The following CHD6 variants were observed in gnomAD, a reference collection of about 807,000 sequenced individuals.
CHD6 encodes chromodomain helicase DNA binding protein 6.
A neutral mutation model predicts 276.9 loss-of-function variants in CHD6; 50 were observed. That is an observed-to-expected ratio of 0.18 (90% confidence interval 0.14 to 0.23). The LOEUF (loss-of-function observed/expected upper bound fraction) is 0.23, where lower values mean the gene tolerates loss of function less well. Among genes scored for constraint, CHD6 ranks in the 10% least tolerant of loss-of-function variants. The probability of loss-of-function intolerance (pLI) is 1.00; values close to 1 mark genes in which losing one functional copy is unlikely to be tolerated. For missense variants in CHD6, 2,564 were observed against 3,365.8 expected (o/e 0.76, Z 5.89); for synonymous variants, 1,173 against 1,229.3 (o/e 0.95, Z 0.96).
At chr20:41,428,248 C>T (rs181292330) in intron 27 of CHD6, among the ~76,000 whole-genome samples, 74 of 152,282 alleles carry the variant, frequency 4.9e-4, no homozygotes, top group Middle Eastern at 3.4e-3. Context: ...CTAGAAATGA[C>T]AGAATGAAGA....
At chr20:41,481,049 CCA>C (rs2043283448) in intron 16 of CHD6, among the ~76,000 whole-genome samples, 1 of 151,642 alleles carries the variant, frequency 6.6e-6, no homozygotes, top group Non-Finnish European at 1.5e-5. Context: ...GAGTTTGAGG[CCA>C]CAGTGACCGA....
In CHD6 at chr20:41,512,881, C is replaced by T; in HGVS notation, c.817G>A (p.Ala273Thr). 1 of 1,614,068 alleles carries T rather than the reference C, an allele frequency of 6.2e-7. No individual in the cohort carries two copies. The highest frequency in any genetic ancestry group is 8.5e-7 in the Non-Finnish European group (1 of 1,179,948). Reference sequence around the variant, plus strand: ...CAGGCCAGTGTAGAGGCTGAGAGTGCAGATGTTCGACCAGCTCCAAGAACA... The same window carrying T: ...CAGGCCAGTGTAGAGGCTGAGAGTGTAGATGTTCGACCAGCTCCAAGAACA... ...IAVLGAGRTSALSASTLAWQA... is the reference protein window; with the variant it reads ...IAVLGAGRTSTLSASTLAWQA... Residue 273 changes from alanine to threonine, a missense_variant, in exon 5 of 37, where the codon GCA (alanine) becomes ACA (threonine). Ala to Thr is a moderately conservative substitution (Grantham distance 58). Around this residue, in one of 7 missense-constraint regions of CHD6, gnomAD observed 457 missense variants for 889.0 expected, o/e 0.51. Transcript: ENST00000373233.
intron 5 of CHD6, among the ~76,000 whole-genome samples, chr20:41,511,734 G>A (rs932231394): frequency 3.9e-5 from 6 of 152,114 alleles, no homozygotes; most frequent in East Asian, 1.9e-4. Flanking sequence ...CACAGCCTGC[G>A]GTGCCATTCA....
chr20:41,541,527 G>C (rs1180311290), intron 2 of CHD6, among the ~76,000 whole-genome samples: 4 of 152,190 alleles, frequency 2.6e-5, no homozygotes, highest in African/African-American at 9.7e-5. Context: ...AGAATAAAGA[G>C]AGAAGAGAAA....
intron 2 of CHD6, among the ~76,000 whole-genome samples, chr20:41,536,887 T>C (rs1288870811): frequency 6.6e-6 from 1 of 152,164 alleles, no homozygotes; most frequent in Non-Finnish European, 1.5e-5. Flanking sequence ...TTCACTCTTA[T>C]TCATATAAAC....
intron 3 of CHD6, among the ~76,000 whole-genome samples, chr20:41,525,145 TG>T (rs750061957): frequency 6.6e-6 from 1 of 152,136 alleles, no homozygotes; most frequent in Non-Finnish European, 1.5e-5. Context: ...ACCGTACACA[TG>T]GCAAGACTTG....
At chr20:41,420,327 A>G (rs1417282806) in intron 31 of CHD6, among the ~76,000 whole-genome samples, 181 bp downstream of exon 31, 1 of 152,210 alleles carries the variant, frequency 6.6e-6, no homozygotes, top group African/African-American at 2.4e-5. Context: ...AATTTTCTAC[A>G]ACATGACCAC....
At chr20:41,412,769 C>T (rs769557111) in intron 35 of CHD6, among the ~76,000 whole-genome samples, 25 of 152,240 alleles carry the variant, frequency 1.6e-4, no homozygotes, top group Middle Eastern at 3.4e-3. Flanking sequence ...CATCTGTGCT[C>T]GAGTCCTCTC....
chr20:41,522,831 A>G (rs1298406972), intron 3 of CHD6, among the ~76,000 whole-genome samples: 1 of 152,164 alleles, frequency 6.6e-6, no homozygotes, highest in African/African-American at 2.4e-5. Context: ...CCTAGACTAT[A>G]AAAGAGCTCT....
intron 17 of CHD6, among the ~76,000 whole-genome samples, chr20:41,463,838 A>G (rs879551813): frequency 6.6e-6 from 1 of 152,230 alleles, no homozygotes. Context: ...TAGTATTTTT[A>G]TATCTTGATT....
At chr20:41,528,634 C>T (rs6093493) in intron 3 of CHD6, among the ~76,000 whole-genome samples, 55,918 of 151,910 alleles carry the variant, frequency 0.37, 13,032 homozygotes, top group African/African-American at 0.64. Flanking sequence ...GTAATCCCAG[C>T]TATTGGGGAG....
intron 3 of CHD6, among the ~76,000 whole-genome samples, chr20:41,518,551 A>G (rs930603746): frequency 6.6e-6 from 1 of 152,186 alleles, no homozygotes; most frequent in African/African-American, 2.4e-5. Flanking sequence ...GCCTGGAAAT[A>G]CTTTCTCAAA....
At chr20:41,570,268 A>T (rs1224590867) in intron 1 of CHD6, among the ~76,000 whole-genome samples, 1 of 152,228 alleles carries the variant, frequency 6.6e-6, no homozygotes, top group Admixed American at 6.5e-5. Context: ...TCAATTCTTA[A>T]AGGCTCATCA....
intron 5 of CHD6, among the ~76,000 whole-genome samples, chr20:41,502,870 G>A (rs2043870504): frequency 6.6e-6 from 1 of 152,174 alleles, no homozygotes; most frequent in African/African-American, 2.4e-5. Flanking sequence ...GCGTGGCGTG[G>A]TGGTGCACGC....
chr20:41,435,438 C>T (rs765536210), intron 27 of CHD6, among the ~76,000 whole-genome samples: 8 of 151,062 alleles, frequency 5.3e-5, no homozygotes, highest in African/African-American at 1.7e-4. Flanking sequence ...TACAAAAAAA[C>T]AGAAAAATAG....
intron 17 of CHD6, chr20:41,472,974 C>A: frequency 5.0e-6 from 1 of 201,110 alleles, no homozygotes; most frequent in South Asian, 1.1e-4. Context: ...AACCAACAAA[C>A]TGAGTGAAAA....
intron 36 of CHD6, 29 bp downstream of exon 36, chr20:41,412,115 C>G: frequency 6.2e-7 from 1 of 1,612,790 alleles, no homozygotes; most frequent in South Asian, 1.1e-5. Context: ...CTCCTCCTGG[C>G]CCCACACTCA....
rs754336194 is a variant in CHD6 at position 41,403,478 on chromosome 20, G to A, written c.*1115C>T. 9.4e-7 allele frequency: 1 copy of A among 1,061,954 alleles called. No individual in the cohort carries two copies. Among genetic ancestry groups the A allele is most frequent in the Non-Finnish European group, 1.1e-6 (1 of 877,278 alleles). The allele number at this position is 1,061,954 out of a possible 1,614,324, so 65.8% of individuals were successfully genotyped here. A position where few individuals can be genotyped will look rare whatever the true frequency, so the allele number is the denominator to read the frequency against. On this transcript the variant is annotated 3_prime_UTR_variant, in exon 37 of 37. Coordinates refer to ENST00000373233, the MANE Select transcript of CHD6 (RefSeq NM_032221.5). ...TGTAGTTTCGATTAACTGATAATTT[G>A]GAATTTGGGTCCAACTGTAAGATAT...
At chr20:41,426,242 A>G in intron 27 of CHD6, 89 bp from the exon 28 acceptor site, 1 of 913,182 alleles carries the variant, frequency 1.1e-6, no homozygotes, top group Non-Finnish European at 1.8e-6. Flanking sequence ...AGTAAGCATC[A>G]CGCATAAGAG....
Sources: gnomAD v4.1 joint callset for allele counts (sites outside exome capture counted in the v4.1 genomes callset) on GRCh38, gnomAD v4.1.1 for gene constraint, gnomAD v4.1.1 regional missense constraint, MANE v1.5 for transcripts, NCBI Gene and HGNC (gene_info 2026-07-23, HGNC 2026-07-21) for gene names.